The following MGAT4C variants were observed in gnomAD, a reference collection of about 807,000 sequenced individuals.
MGAT4C encodes the protein MGAT4 family member C.
In MGAT4C, 19 loss-of-function variants were observed where a neutral mutation model predicts 40.1. The observed-to-expected ratio is 0.47, with a 90% CI of 0.33 to 0.70. The LOEUF (loss-of-function observed/expected upper bound fraction) is 0.70. Among genes scored for constraint, MGAT4C ranks in the 30% least tolerant of loss-of-function variants. The pLI is 0.02. For synonymous variants in MGAT4C, 181 were observed against 187.1 expected (o/e 0.97, Z 0.27); for missense variants, 491 against 563.2 (o/e 0.87, Z 1.30).
chr12:86,569,934 T>C (rs1026712486), intron 2 of MGAT4C, among the ~76,000 whole-genome samples: 7 of 152,074 alleles, frequency 4.6e-5, no homozygotes, highest in African/African-American at 1.7e-4. Flanking sequence ...TTCTGTTAAG[T>C]AAAATAAACA....
At chr12:86,438,758 C>T (rs574815458) in intron 2 of MGAT4C, among the ~76,000 whole-genome samples, 1 of 151,850 alleles carries the variant, frequency 6.6e-6, no homozygotes, top group South Asian at 2.1e-4. Flanking sequence ...TTCCTATAGA[C>T]TCAAGCTAAA....
intron 1 of MGAT4C, among the ~76,000 whole-genome samples, chr12:86,233,950 G>GT (rs1281930695): frequency 6.6e-6 from 1 of 152,056 alleles, no homozygotes; most frequent in Non-Finnish European, 1.5e-5. Context: ...TATGTATTAT[G>GT]TAATGGATTA....
chr12:86,063,903 G>T (rs1042032958), intron 1 of MGAT4C, among the ~76,000 whole-genome samples: 1 of 152,180 alleles, frequency 6.6e-6, no homozygotes, highest in Non-Finnish European at 1.5e-5. Flanking sequence ...CATAAAGCAA[G>T]TTCTTAGAGA....
intron 1 of MGAT4C, among the ~76,000 whole-genome samples, chr12:86,091,781 G>A (rs574234641): frequency 3.9e-5 from 6 of 152,188 alleles, no homozygotes; most frequent in African/African-American, 1.4e-4. Context: ...AGCCCTTGAA[G>A]TATATCATAA....
rs915302577 is a variant in MGAT4C at position 85,957,037 on chromosome 12, A to G, written c.*22252T>C. 3 of 152,164 alleles carry G rather than the reference A, an allele frequency of 2.0e-5. No homozygotes were observed. The highest frequency in any genetic ancestry group is 7.2e-5 in the African/African-American group (3 of 41,448). 9.4% of individuals were successfully genotyped at this position (152,164 alleles called of 1,614,324 possible). On this transcript the variant is annotated 3_prime_UTR_variant, in exon 5 of 5. Transcript: ENST00000611864. ...CCATTGGTTGGACACATAAAATGAG[A>G]GTATGTAGATGCGAGCCCTTTGCTG... is the stretch of plus-strand genomic sequence containing the variant.
intron 2 of MGAT4C, among the ~76,000 whole-genome samples, chr12:86,586,256 T>G: frequency 7.8e-6 from 1 of 127,984 alleles, no homozygotes; most frequent in Non-Finnish European, 1.7e-5. Flanking sequence ...CAATTTCATC[T>G]ATGTACCTAC....
chr12:86,284,449 C>A (rs767057152), intron 4 of MGAT4C, among the ~76,000 whole-genome samples: 4 of 151,626 alleles, frequency 2.6e-5, no homozygotes, highest in Admixed American at 6.6e-5. Flanking sequence ...ATTTATTAGA[C>A]GATTATGCTG....
At chr12:86,385,622 C>T (rs1412415219) in intron 3 of MGAT4C, among the ~76,000 whole-genome samples, 3 of 152,204 alleles carry the variant, frequency 2.0e-5, no homozygotes, top group Admixed American at 6.5e-5. Context: ...TTGCTACTTA[C>T]CACAAAGTGC....
At chr12:86,609,065 T>C (rs1187872117) in intron 2 of MGAT4C, among the ~76,000 whole-genome samples, 1 of 152,122 alleles carries the variant, frequency 6.6e-6, no homozygotes, top group Non-Finnish European at 1.5e-5. Context: ...GTAGGCATGC[T>C]AAAAATGCAT....
chr12:86,808,808 C>T (rs1318483365), intron 1 of MGAT4C, among the ~76,000 whole-genome samples: 3 of 151,830 alleles, frequency 2.0e-5, no homozygotes, highest in African/African-American at 7.2e-5. Context: ...AATAAAAATT[C>T]CTCTTTTCAA....
intron 3 of MGAT4C, among the ~76,000 whole-genome samples, chr12:86,347,645 T>A (rs1224383216): frequency 6.6e-6 from 1 of 152,200 alleles, no homozygotes; most frequent in Admixed American, 6.5e-5. Context: ...TCACCTCGTA[T>A]AGACACATAT....
intron 1 of MGAT4C, among the ~76,000 whole-genome samples, chr12:86,182,967 G>A (rs1002189773): frequency 1.3e-5 from 2 of 152,004 alleles, no homozygotes; most frequent in Admixed American, 6.6e-5. Context: ...TTTTCAAATG[G>A]GGTAGTTTAG....
intron 1 of MGAT4C, among the ~76,000 whole-genome samples, chr12:86,140,204 C>T (rs560673414): frequency 1.6e-4 from 25 of 152,282 alleles, no homozygotes; most frequent in African/African-American, 6.0e-4. Context: ...AATGTCATTA[C>T]AGCAAGGAAG....
intron 2 of MGAT4C, among the ~76,000 whole-genome samples, chr12:86,631,800 C>T (rs1232344053): frequency 1.3e-5 from 2 of 152,036 alleles, no homozygotes; most frequent in African/African-American, 4.8e-5. Flanking sequence ...ACTATAAAAA[C>T]CCTAGAAGAA....
chr12:86,067,138 A>C (rs1169092976), intron 1 of MGAT4C, among the ~76,000 whole-genome samples: 1 of 152,202 alleles, frequency 6.6e-6, no homozygotes. Context: ...GCCATTGTAG[A>C]AGACAGTGTG....
intron 3 of MGAT4C, among the ~76,000 whole-genome samples, chr12:86,394,660 G>C (rs1956222776): frequency 7.3e-6 from 1 of 137,560 alleles, no homozygotes; most frequent in Admixed American, 7.6e-5. Context: ...TTGAGACAGA[G>C]TCTCTGTCTG....
chr12:86,761,927 A>G (rs1405077637), intron 1 of MGAT4C, among the ~76,000 whole-genome samples: 1 of 152,118 alleles, frequency 6.6e-6, no homozygotes, highest in South Asian at 2.1e-4. Context: ...AATAATATTC[A>G]TAGTTTCTTG....
chr12:86,169,124 A>G (rs952209247), intron 1 of MGAT4C, among the ~76,000 whole-genome samples: 2 of 152,162 alleles, frequency 1.3e-5, no homozygotes, highest in African/African-American at 4.8e-5. Flanking sequence ...ATTAATAAAT[A>G]GTGATGTTAG....
intron 2 of MGAT4C, among the ~76,000 whole-genome samples, chr12:86,624,876 A>AT (rs1251917120): frequency 1.3e-5 from 2 of 152,038 alleles, no homozygotes; most frequent in African/African-American, 4.8e-5. Context: ...TATTATAAAT[A>AT]TTTTTTATTT....
Sources: gnomAD v4.1 joint callset for allele counts (sites outside exome capture counted in the v4.1 genomes callset) on GRCh38, gnomAD v4.1.1 for gene constraint, MANE v1.5 for transcripts, NCBI Gene and HGNC (gene_info 2026-07-23, HGNC 2026-07-21) for gene names.